PPFIBP2: variants seen among roughly 807,000 people sequenced by gnomAD.
PPFIBP2 encodes the protein PPFIB scaffold protein 2.
Under a neutral mutation model 118.3 loss-of-function variants are expected in PPFIBP2, and 118 were observed. The observed-to-expected ratio is 1.00, with a 90% CI of 0.86 to 1.16. The LOEUF is 1.16. Ranked by LOEUF, PPFIBP2 falls within the 50% of genes most tolerant of loss-of-function variation. PPFIBP2 has a pLI of 0.00. For synonymous variants in PPFIBP2, 414 were observed against 397.4 expected, an observed-to-expected ratio of 1.04 and a Z score of -0.50; for missense variants, 1,195 against 1,073.1, an observed-to-expected ratio of 1.11 and a Z score of -1.59.
chr11:7,660,078 A>G (rs1319526964), downstream of PPFIBP2, among the ~76,000 whole-genome samples: 34 of 124,682 alleles, frequency 2.7e-4, 9 homozygotes, highest in Non-Finnish European at 5.7e-4. Flanking sequence ...TAGATATACA[A>G]TCATGTCATC....
chr11:7,635,427 A>T, intron 13 of PPFIBP2, 125 bp from the exon 14 acceptor site: 1 of 862,116 alleles, frequency 1.2e-6, no homozygotes, highest in East Asian at 2.5e-5. Context: ...CTTGACATGA[A>T]GATGTGGAGG....
chr11:7,593,828 G>A (rs116992988), intron 4 of PPFIBP2, among the ~76,000 whole-genome samples: 3,736 of 152,320 alleles, frequency 0.025, 63 homozygotes, highest in Admixed American at 0.037. Context: ...GCCTTGGTAG[G>A]ACATAGAGTT....
chr11:7,644,663 C>G lies in PPFIBP2; in HGVS notation c.1646+2237C>G, dbSNP rs191222478. On this transcript the variant is annotated intron_variant, in intron 17 of 23. Transcript: ENST00000299492. ...TTCAGGGACCCTCCTTTGTATGGAG[C>G]CCTTCCAGGGTCCAGAGAAAGTCTG... 5.3e-5 allele frequency among the ~76,000 whole-genome samples: 8 copies of G among 152,266 alleles called. No homozygotes were observed. The East Asian group carries it at 1.5e-3, about 29-fold the overall frequency.
At position 7,632,912 on chromosome 11, in the gene PPFIBP2, C is replaced by T; in HGVS notation, c.1114C>T (p.Pro372Ser). Residue 372 changes from proline to serine, a missense_variant, in exon 12 of 24, where the codon CCA becomes TCA. Coordinates refer to ENST00000299492, the MANE Select transcript of PPFIBP2 (RefSeq NM_003621.5). ...TCCTACAGTGGGGCCACCTCCATTG[C>T]CACAGAAATCACTGGAAACCAGGTA... Reference protein sequence around the residue: ...SSPTVGPPPLPQKSLETRAQK... With the variant: ...SSPTVGPPPLSQKSLETRAQK... 5 of 1,613,824 alleles carry T rather than the reference C, an allele frequency of 3.1e-6. No homozygotes were observed. The highest frequency in any genetic ancestry group is 4.2e-6 in the Non-Finnish European group (5 of 1,179,772).
At chr11:7,647,730 G>A (rs937194205) in intron 17 of PPFIBP2, among the ~76,000 whole-genome samples, 1 of 152,190 alleles carries the variant, frequency 6.6e-6, no homozygotes, top group African/African-American at 2.4e-5. Flanking sequence ...GGGCAGTCCT[G>A]ACATCTGTAA....
chr11:7,665,545 G>A, the PPFIBP2 span: 3 of 1,600,292 alleles, frequency 1.9e-6, no homozygotes, highest in Non-Finnish European at 2.6e-6. Flanking sequence ...TGTACTTCCA[G>A]CCTGAAATGA....
downstream of PPFIBP2, among the ~76,000 whole-genome samples, chr11:7,657,495 C>T (rs1237881215): frequency 6.6e-6 from 1 of 152,194 alleles, no homozygotes; most frequent in African/African-American, 2.4e-5. Context: ...TCCTCCCAGG[C>T]CTTGCCCTTG....
chr11:7,583,951 A>G (rs921877001), intron 3 of PPFIBP2, among the ~76,000 whole-genome samples: 8 of 152,194 alleles, frequency 5.3e-5, no homozygotes, highest in African/African-American at 1.7e-4. Flanking sequence ...TTCAGACTCA[A>G]TCATTCAAAT....
chr11:7,520,109 C>T (rs764292731), intron 1 of PPFIBP2, among the ~76,000 whole-genome samples: 1 of 152,202 alleles, frequency 6.6e-6, no homozygotes, highest in South Asian at 2.1e-4. Flanking sequence ...AGCGCTCCAA[C>T]AGACAACACG....
intron 9 of PPFIBP2, among the ~76,000 whole-genome samples, chr11:7,628,586 T>C (rs1453996859): frequency 6.6e-6 from 1 of 152,214 alleles, no homozygotes; most frequent in Admixed American, 6.5e-5. Flanking sequence ...GCCCTGCCTG[T>C]TCCTGCTGGT....
chr11:7,564,776 A>G (rs1242691564), intron 2 of PPFIBP2, among the ~76,000 whole-genome samples: 1 of 152,212 alleles, frequency 6.6e-6, no homozygotes, highest in African/African-American at 2.4e-5. Context: ...CTTTCTAGCC[A>G]GGTAACTGGG....
intron 3 of PPFIBP2, among the ~76,000 whole-genome samples, chr11:7,568,165 A>G (rs1028135575): frequency 1.3e-5 from 2 of 152,196 alleles, no homozygotes; most frequent in Non-Finnish European, 2.9e-5. Flanking sequence ...GCCTCGTGAC[A>G]CCTATATCAG....
chr11:7,647,009 C>G (rs1853183927), intron 17 of PPFIBP2, among the ~76,000 whole-genome samples: 1 of 152,012 alleles, frequency 6.6e-6, no homozygotes, highest in South Asian at 2.1e-4. Flanking sequence ...AAAATATTTT[C>G]AGGACCCATG....
chr11:7,587,199 C>A (rs908001779), intron 3 of PPFIBP2, among the ~76,000 whole-genome samples: 11 of 152,184 alleles, frequency 7.2e-5, no homozygotes, highest in African/African-American at 2.7e-4. Flanking sequence ...ACAAAGGACA[C>A]TGAGTGCCCT....
downstream of PPFIBP2, among the ~76,000 whole-genome samples, chr11:7,660,227 C>T (rs200420496): frequency 8.8e-6 from 1 of 113,584 alleles, no homozygotes; most frequent in Non-Finnish European, 2.2e-5. Context: ...GTCTTGTGCC[C>T]GTTTTCAAAG....
chr11:7,603,994 G>T (rs117903582), intron 5 of PPFIBP2, among the ~76,000 whole-genome samples: 102 of 152,180 alleles, frequency 6.7e-4, no homozygotes, highest in Non-Finnish European at 1.1e-3. Context: ...CATATACTGC[G>T]GTAGCTGCAT....
At chr11:7,520,586 C>A (rs1281806605) in intron 1 of PPFIBP2, among the ~76,000 whole-genome samples, 1 of 151,398 alleles carries the variant, frequency 6.6e-6, no homozygotes, top group Non-Finnish European at 1.5e-5. Flanking sequence ...TATCCTAATG[C>A]AAAATATAAG....
chr11:7,534,230 C>T (rs1457867782), intron 1 of PPFIBP2, among the ~76,000 whole-genome samples: 2 of 152,204 alleles, frequency 1.3e-5, no homozygotes, highest in African/African-American at 4.8e-5. Context: ...AAGTCCACAT[C>T]CCCAGGTGGT....
intron 8 of PPFIBP2, 35 bp from the exon 9 acceptor site, chr11:7,628,250 T>C (rs765727583): frequency 1.3e-6 from 2 of 1,569,564 alleles, no homozygotes; most frequent in South Asian, 1.1e-5. Context: ...TCTGTATTTA[T>C]ATAAATAATT....
Sources: gnomAD v4.1 joint callset for allele counts (sites outside exome capture counted in the v4.1 genomes callset) on GRCh38, gnomAD v4.1.1 for gene constraint, MANE v1.5 for transcripts, NCBI Gene and HGNC (gene_info 2026-07-23, HGNC 2026-07-21) for gene names.